LRCH3: variants seen among roughly 807,000 people sequenced by gnomAD.
LRCH3 encodes the protein leucine rich repeats and calponin homology domain containing 3.
LRCH3 carries 68 observed loss-of-function variants against 104.5 expected under a neutral mutation model. The ratio of observed to expected loss-of-function variants is 0.65; its 90% CI spans 0.54 to 0.80. The LOEUF is 0.80. Ranked by LOEUF, LRCH3 falls within the 30% of genes least tolerant of loss-of-function variation. The pLI is 0.00. For synonymous variants in LRCH3, 344 were observed against 361.3 expected (o/e 0.95, Z 0.54); for missense variants, 951 against 953.9 (o/e 1.00, Z 0.04).
In LRCH3 at chr3:197,832,335, G is replaced by C; in HGVS notation, c.1102+18G>C. Reference sequence around the variant, plus strand: ...CGGCGGAGGTAAACATAATTCCGGTGACAGCTAAAGTGTTTGCAACCATTT... The same window carrying C: ...CGGCGGAGGTAAACATAATTCCGGTCACAGCTAAAGTGTTTGCAACCATTT... On this transcript the variant is annotated intron_variant, in intron 8 of 20. Transcript: ENST00000425562. 6.2e-7 allele frequency: 1 copy of C among 1,610,052 alleles called. No homozygotes were observed. Among genetic ancestry groups the C allele is most frequent in the Non-Finnish European group, 8.5e-7 (1 of 1,177,668 alleles).
At chr3:197,801,094 C>CAAA (rs750542854) in intron 1 of LRCH3, among the ~76,000 whole-genome samples, 3 of 34,314 alleles carry the variant, frequency 8.7e-5, no homozygotes, top group African/African-American at 1.3e-4. Flanking sequence ...GACTCCATCT[C>CAAA]AAAAAAAAAA....
chr3:197,829,861 A>G (rs771916937), intron 6 of LRCH3, among the ~76,000 whole-genome samples, 188 bp downstream of exon 6: 1 of 152,206 alleles, frequency 6.6e-6, no homozygotes, highest in Non-Finnish European at 1.5e-5. Flanking sequence ...GGGTTTCTCA[A>G]CCTTGGCACT....
Position 197,851,482 on chromosome 3 carries a change from C to T in LRCH3, c.1531-1079C>T, listed in dbSNP as rs185215213. On this transcript the variant is annotated intron_variant, in intron 12 of 20. Transcript: ENST00000425562. Reference sequence around the variant, plus strand: ...AGGGTGCAAAATAAGGCATAAAAACCAGATGGTTTCTAAAGGTCCTAAGGG... The same window carrying T: ...AGGGTGCAAAATAAGGCATAAAAACTAGATGGTTTCTAAAGGTCCTAAGGG... 4.6e-5 allele frequency among the ~76,000 whole-genome samples: 7 copies of T among 152,150 alleles called. No homozygotes were observed. The East Asian group carries it at 1.4e-3, about 29-fold the overall frequency.
At position 197,856,170 on chromosome 3, in the gene LRCH3, A is replaced by G. The variant is rs1378365978; in HGVS notation, c.1644+1725A>G. ...CCCCTTGATTAATTCCTACTCACCT[A>G]TCAGGTATTTGTTTAAATGTTCCAT... On this transcript the variant is annotated intron_variant, in intron 14 of 20. Transcript: ENST00000425562. The surrounding 1 kb of genome is among the most constrained non-coding windows in gnomAD (Gnocchi z 4.2). Among the ~76,000 whole-genome samples the G allele has an allele frequency of 1.3e-5, 2 of 152,004 alleles. No individual in the cohort carries two copies. Among genetic ancestry groups the G allele is most frequent in the African/African-American group, 2.4e-5 (1 of 41,372 alleles).
rs577753614 is a variant in LRCH3 at position 197,828,810 on chromosome 3, C to T, written c.778-754C>T. 2.9e-4 allele frequency among the ~76,000 whole-genome samples: 43 copies of T among 147,918 alleles called. 1 individual carries two copies. Among genetic ancestry groups the T allele is most frequent in the Admixed American group, 2.1e-3 (30 of 14,548 alleles). Reference sequence around the variant, plus strand: ...GCAGCCTCCGCCTCCTGGGTTCAAGCGATTCTCCTGCCTCAGCCTCCCGAG... The same window carrying T: ...GCAGCCTCCGCCTCCTGGGTTCAAGTGATTCTCCTGCCTCAGCCTCCCGAG... On this transcript the variant is annotated intron_variant, in intron 5 of 20. Transcript: ENST00000425562.
chr3:197,867,866 C>CAA (rs1412254490), intron 17 of LRCH3, among the ~76,000 whole-genome samples: 1 of 151,612 alleles, frequency 6.6e-6, no homozygotes, highest in East Asian at 1.9e-4. Flanking sequence ...AAAACAAAAA[C>CAA]AAACAAACAA....
intron 12 of LRCH3, among the ~76,000 whole-genome samples, chr3:197,849,265 C>G (rs976092839): frequency 9.6e-6 from 1 of 104,104 alleles, no homozygotes; most frequent in Non-Finnish European, 1.8e-5. Flanking sequence ...GAGACTCCAC[C>G]TCAAAAAAAA....
At chr3:197,840,581 T>C (rs1005230472) in intron 10 of LRCH3, among the ~76,000 whole-genome samples, 7 of 152,242 alleles carry the variant, frequency 4.6e-5, no homozygotes, top group African/African-American at 1.4e-4. Flanking sequence ...TTTCAGCCTT[T>C]AGTTCTTTGC....
At chr3:197,840,749 A>G (rs1231563063) in intron 10 of LRCH3, among the ~76,000 whole-genome samples, 1 of 152,118 alleles carries the variant, frequency 6.6e-6, no homozygotes, top group East Asian at 1.9e-4. Context: ...TGTGACATTT[A>G]TACTCTTATC....
intron 18 of LRCH3, among the ~76,000 whole-genome samples, chr3:197,871,004 T>C (rs1486145041): frequency 6.6e-6 from 1 of 152,208 alleles, no homozygotes; most frequent in Non-Finnish European, 1.5e-5. Context: ...TGTGCACACA[T>C]ATATAAATAT....
chr3:197,871,353 T>C lies in LRCH3; in HGVS notation c.2021T>C (p.Leu674Pro). 1 of 1,614,142 alleles carries C rather than the reference T, an allele frequency of 6.2e-7. No homozygotes were observed. Residue 674 changes from leucine (L) to proline (P), a missense_variant, in exon 19 of 21, where the codon CTA (leucine) becomes CCA (proline). Coordinates refer to ENST00000425562, the MANE Select transcript of LRCH3 (RefSeq NM_001365715.1). ...ATTGAGTACCGGTTGAAAGTGTCTC[T>C]ACCTTGTGATCTCGGAGCAGCTCTA... ...KHIEYRLKVS[L>P]PCDLGAALTD...
At chr3:197,844,558 G>A (rs758543498) in intron 10 of LRCH3, among the ~76,000 whole-genome samples, 8 of 151,448 alleles carry the variant, frequency 5.3e-5, no homozygotes, top group Non-Finnish European at 7.4e-5. Flanking sequence ...GCCTAGCCTT[G>A]AAAACAGTGT....
At chr3:197,851,625 G>T (rs1413530029) in intron 12 of LRCH3, among the ~76,000 whole-genome samples, 1 of 152,112 alleles carries the variant, frequency 6.6e-6, no homozygotes, top group Non-Finnish European at 1.5e-5. Context: ...ATGCTGTTAG[G>T]TTCCTCCTGT....
chr3:197,839,393 A>G lies in LRCH3; in HGVS notation c.1324A>G (p.Asn442Asp). The G allele has an allele frequency of 6.4e-7, 1 of 1,567,020 alleles. No homozygotes were observed. The highest frequency in any genetic ancestry group is 8.6e-7 in the Non-Finnish European group (1 of 1,156,510). ...TEDMRRYLHQ[N>D]RVPAEPSSLL... ...AGATATGAGAAGATATTTACATCAA[A>G]ACAGGTTTGAAAAACCAATTCTACT... is the stretch of plus-strand genomic sequence containing the variant. The change falls in exon 10 of 21, where the codon AAC (asparagine) becomes GAC (aspartate). Residue 442 changes from asparagine to aspartate, a missense_variant. Transcript: ENST00000425562.
chr3:197,880,677 C>G (rs951527524), intron 20 of LRCH3: 23 of 1,536,668 alleles, frequency 1.5e-5, no homozygotes, highest in Admixed American at 9.8e-5. Context: ...GATGTTAACT[C>G]TCTGTGTGCT....
chr3:197,829,649 G>A lies in LRCH3; in HGVS notation c.863G>A (p.Arg288Lys), dbSNP rs375267310. 1.2e-6 allele frequency: 2 copies of A among 1,612,666 alleles called. No individual in the cohort carries two copies. Among genetic ancestry groups the A allele is most frequent in the African/African-American group, 2.7e-5 (2 of 74,880 alleles). ...GCTCCAGATCTGCCGGATTATGATA[G>A]GAGACCGTTGGGTTTTGGCTCCTGG... Reference protein sequence around the residue: ...KIAPDLPDYDRRPLGFGSCHE... With the variant: ...KIAPDLPDYDKRPLGFGSCHE... The change falls in exon 6 of 21, where the codon AGG (arginine) becomes AAG (lysine). Residue 288 changes from arginine to lysine, a missense_variant. By Grantham distance (26) the Arg-to-Lys change is conservative. Transcript: ENST00000425562.
intron 1 of LRCH3, among the ~76,000 whole-genome samples, chr3:197,814,504 A>C (rs1733589385): frequency 6.6e-6 from 1 of 152,206 alleles, no homozygotes; most frequent in African/African-American, 2.4e-5. Context: ...AAACTCATGT[A>C]GTTCAATATA....
At chr3:197,857,919 T>G (rs1037789674) in intron 14 of LRCH3, among the ~76,000 whole-genome samples, 2 of 152,252 alleles carry the variant, frequency 1.3e-5, no homozygotes, top group African/African-American at 4.8e-5. Context: ...TTTATTTCAT[T>G]GACCATATAC....
intron 7 of LRCH3, chr3:197,831,106 A>G (rs1299994679): frequency 1.6e-5 from 6 of 371,988 alleles, no homozygotes; most frequent in African/African-American, 4.2e-5. Flanking sequence ...TATCATAGAA[A>G]GGCAAACAGG....
Sources: allele counts gnomAD v4.1 joint callset (sites outside exome capture counted in the v4.1 genomes callset), GRCh38; gene constraint gnomAD v4.1.1; non-coding constraint Gnocchi (gnomAD v3.1); transcripts MANE v1.5; gene names NCBI Gene and HGNC (gene_info 2026-07-23, HGNC 2026-07-21).